The following ABCA13 variants were observed in gnomAD, a reference collection of about 807,000 sequenced individuals.
ABCA13 encodes the protein ATP-binding cassette sub-family A member 13.
Under a neutral mutation model 478.7 loss-of-function variants are expected in ABCA13, and 476 were observed. The ratio of observed to expected loss-of-function variants is 0.99; its 90% CI spans 0.92 to 1.07. The LOEUF (loss-of-function observed/expected upper bound fraction) is 1.07, where lower values mean the gene tolerates loss of function less well. Ranked by LOEUF, ABCA13 falls within the 50% of genes least tolerant of loss-of-function variation. The probability of loss-of-function intolerance (pLI) is 0.00; values close to 1 mark genes in which losing one functional copy is unlikely to be tolerated. For missense variants in ABCA13, 6,060 were observed against 5,910.6 expected, an observed-to-expected ratio of 1.03 and a Z score of -0.83; for synonymous variants, 2,252 against 2,158.9, an observed-to-expected ratio of 1.04 and a Z score of -1.20.
At chr7:48,495,095 C>T (rs925727366) in intron 48 of ABCA13, among the ~76,000 whole-genome samples, 2 of 152,104 alleles carry the variant, frequency 1.3e-5, no homozygotes, top group Admixed American at 1.3e-4. Context: ...AAGAGTTTGT[C>T]ATGATTCTAT....
chr7:48,338,956 T>C (rs1806689657), intron 29 of ABCA13, among the ~76,000 whole-genome samples: 1 of 152,172 alleles, frequency 6.6e-6, no homozygotes, highest in South Asian at 2.1e-4. Context: ...AAATAATCCA[T>C]AGAGGGGCAT....
chr7:48,321,773 G>A (rs1332523055), intron 27 of ABCA13, among the ~76,000 whole-genome samples: 3 of 152,190 alleles, frequency 2.0e-5, no homozygotes, highest in Admixed American at 6.5e-5. Flanking sequence ...GAGCCGAGGT[G>A]AGAAGGAAGC....
rs560550404 is a variant in ABCA13 at position 48,636,566 on chromosome 7, T to C, written c.14838-6722T>C. Among the ~76,000 whole-genome samples, 67 of 152,314 alleles carry C rather than the reference T, an allele frequency of 4.4e-4. 2 individuals are homozygous for C. The South Asian group carries it at 0.011, about 24-fold the overall frequency. ...GAGGCCTGTGTGCCCTGCCCTGTTT[T>C]TGAGCCTGTGCAGTCCTGCCTGGGC... On this transcript the variant is annotated intron_variant, in intron 59 of 61. Coordinates refer to ENST00000435803, the MANE Select transcript of ABCA13 (RefSeq NM_152701.5).
chr7:48,622,325 ACCCAGTTTAC>A lies in ABCA13; in HGVS notation c.14837+6949_14837+6958del, dbSNP rs1793216393. Among the ~76,000 whole-genome samples the A allele has an allele frequency of 2.0e-5, 3 of 152,168 alleles. No individual in the cohort carries two copies. The South Asian group carries it at 6.2e-4, about 32-fold the overall frequency. ...CTACTTCTCAGTTTCTCTAGCCTGG[ACCCAGTTTAC>A]ACCTGGGCTACACCTGTGCCATTTT... On this transcript the variant is annotated intron_variant, in intron 59 of 61. Coordinates refer to ENST00000435803, the MANE Select transcript of ABCA13 (RefSeq NM_152701.5).
chr7:48,335,977 C>T (rs1806199164), intron 28 of ABCA13, among the ~76,000 whole-genome samples: 1 of 152,154 alleles, frequency 6.6e-6, no homozygotes, highest in Non-Finnish European at 1.5e-5. Context: ...AGGTAGATCA[C>T]CTAATAATTT....
At chr7:48,347,813 G>C (rs1046892950) in intron 29 of ABCA13, among the ~76,000 whole-genome samples, 3 of 152,216 alleles carry the variant, frequency 2.0e-5, no homozygotes, top group African/African-American at 4.8e-5. Context: ...TTTATATAGT[G>C]TATTAATAAC....
chr7:48,403,521 G>T (rs1168395041), intron 38 of ABCA13, among the ~76,000 whole-genome samples, 162 bp from the exon 39 acceptor site: 1 of 152,260 alleles, frequency 6.6e-6, no homozygotes. Context: ...GAAAGTCAAT[G>T]CTGCTCTGGT....
chr7:48,231,165 A>T (rs1789015916), intron 7 of ABCA13, among the ~76,000 whole-genome samples: 2 of 151,804 alleles, frequency 1.3e-5, no homozygotes, highest in African/African-American at 4.9e-5. Flanking sequence ...CGGAACTTAA[A>T]GTTAAAAAAA....
intron 55 of ABCA13, among the ~76,000 whole-genome samples, chr7:48,563,797 TGTG>T (rs1786714566): frequency 3.1e-4 from 12 of 39,116 alleles, no homozygotes; most frequent in African/African-American, 6.5e-4. Flanking sequence ...TTACTGCTTG[TGTG>T]TGTGTGTGTG....
intron 27 of ABCA13, among the ~76,000 whole-genome samples, chr7:48,328,429 T>C (rs990405895): frequency 2.0e-5 from 3 of 152,200 alleles, no homozygotes; most frequent in African/African-American, 7.2e-5. Context: ...TCAGCAAAGT[T>C]GCCCAGAGTA....
Position 48,389,067 on chromosome 7 carries a change from A to G in ABCA13, c.11501A>G (p.Glu3834Gly). Residue 3834 changes from glutamate to glycine, a missense_variant, in exon 37 of 62, where the codon GAG becomes GGG. Physicochemically the swap from Glu to Gly is moderately conservative, Grantham distance 98 (BLOSUM62 -2). Around this residue, in one of 3 missense-constraint regions of ABCA13, gnomAD observed 1,627 missense variants for 1,571.0 expected, o/e 1.04. Transcript: ENST00000435803. ...KGSSLQNREG[E>G]LEGSAPGVTL... ...TCATCACTGCAAAACAGGGAAGGAG[A>G]GCTTGAAGGAAGTGCCCCGGGAGTC... 6.2e-7 allele frequency: 1 copy of G among 1,613,796 alleles called. No individual in the cohort carries two copies. The highest frequency in any genetic ancestry group is 8.5e-7 in the Non-Finnish European group (1 of 1,179,812).
Position 48,445,577 on chromosome 7 carries a change from G to T in ABCA13, c.12566-9460G>T, listed in dbSNP as rs181592014. Among the ~76,000 whole-genome samples the T allele has an allele frequency of 5.1e-4, 78 of 152,170 alleles. No individual in the cohort carries two copies. The East Asian group carries it at 0.011, about 22-fold the overall frequency. ...TTCCCCCTTCTCTGAGCTAATCTTT[G>T]TTCATTCTTCAGTACGTGATTTATT... On this transcript the variant is annotated intron_variant, in intron 42 of 61. Transcript: ENST00000435803.
chr7:48,230,065 C>A, intron 7 of ABCA13, 110 bp downstream of exon 7: 3 of 1,298,528 alleles, frequency 2.3e-6, no homozygotes, highest in East Asian at 2.6e-5. Flanking sequence ...ATTAAAATTT[C>A]AAATTCAAAA....
chr7:48,175,513 T>A (rs533965010), intron 1 of ABCA13, among the ~76,000 whole-genome samples: 1 of 150,890 alleles, frequency 6.6e-6, no homozygotes, highest in Admixed American at 6.6e-5. Flanking sequence ...CTCTGCCTCC[T>A]GGGTTCAAGC....
intron 7 of ABCA13, among the ~76,000 whole-genome samples, chr7:48,231,807 G>T (rs1278002955): frequency 6.6e-6 from 1 of 152,044 alleles, no homozygotes; most frequent in Non-Finnish European, 1.5e-5. Flanking sequence ...GACTACAGGC[G>T]TGCATCACCA....
In ABCA13 at chr7:48,410,556, A is replaced by G. The variant is rs1818871780; in HGVS notation, c.12107A>G (p.Glu4036Gly). Reference protein sequence around the residue: ...TIIFTTHHLDEAEALSDRVAV... With the variant: ...TIIFTTHHLDGAEALSDRVAV... ...ATCTTCACAACCCACCACCTGGATGAAGCTGAAGCGCTGAGTGACCGCGTG... is the reference window on the plus strand; with the variant it reads ...ATCTTCACAACCCACCACCTGGATGGAGCTGAAGCGCTGAGTGACCGCGTG... Residue 4036 changes from glutamate to glycine, a missense_variant, in exon 40 of 62, where the codon GAA becomes GGA. Glu to Gly is a moderately conservative substitution (Grantham distance 98). Coordinates refer to ENST00000435803, the MANE Select transcript of ABCA13 (RefSeq NM_152701.5). 1.2e-6 allele frequency: 2 copies of G among 1,614,032 alleles called. No homozygotes were observed. Among genetic ancestry groups the G allele is most frequent in the East Asian group, 4.5e-5 (2 of 44,882 alleles).
chr7:48,284,670 T>C (rs931525382), intron 19 of ABCA13, among the ~76,000 whole-genome samples: 27 of 152,264 alleles, frequency 1.8e-4, no homozygotes, highest in African/African-American at 6.3e-4. Flanking sequence ...GTATTGCAGC[T>C]GCTAAATTAA....
At chr7:48,201,605 A>G in intron 3 of ABCA13, among the ~76,000 whole-genome samples, 1 of 152,212 alleles carries the variant, frequency 6.6e-6, no homozygotes, top group South Asian at 2.1e-4. Context: ...CTGTAGTTCC[A>G]ACTATTCAGG....
chr7:48,252,457 A>G (rs1046475489), intron 15 of ABCA13, among the ~76,000 whole-genome samples: 1 of 152,208 alleles, frequency 6.6e-6, no homozygotes, highest in African/African-American at 2.4e-5. Context: ...AGCTTACTAC[A>G]TACCTGGAGT....
Sources: gnomAD v4.1 joint callset for allele counts (sites outside exome capture counted in the v4.1 genomes callset) on GRCh38, gnomAD v4.1.1 for gene constraint, gnomAD v4.1.1 regional missense constraint, MANE v1.5 for transcripts, NCBI Gene and HGNC (gene_info 2026-07-23, HGNC 2026-07-21) for gene names.